Variants in MYOCOS observed in about 807,000 individuals in gnomAD.
MYOCOS encodes myocilin opposite strand.
chr1:171,613,363 G>C (rs573644352), intron 1 of MYOCOS, among the ~76,000 whole-genome samples: 2 of 152,182 alleles, frequency 1.3e-5, no homozygotes, highest in Non-Finnish European at 2.9e-5. Context: ...GCATCTTCAA[G>C]CCAAGTTGAG....
At chr1:171,620,483 T>G (rs1264452092), upstream of MYOCOS, among the ~76,000 whole-genome samples, 1 of 152,152 alleles carries the variant, frequency 6.6e-6, no homozygotes, top group Admixed American at 6.6e-5. Flanking sequence ...ATATTTTTCT[T>G]CCAGACCCTC....
chr1:171,612,079 T>C (rs1652365574), intron 1 of MYOCOS, among the ~76,000 whole-genome samples: 1 of 151,988 alleles, frequency 6.6e-6, no homozygotes, highest in Admixed American at 6.6e-5. Context: ...TTCTTTTCTT[T>C]TCTTTTCTTT....
At chr1:171,601,907 A>T (rs1652149836) in intron 1 of MYOCOS, among the ~76,000 whole-genome samples, 1 of 152,220 alleles carries the variant, frequency 6.6e-6, no homozygotes, top group Admixed American at 6.5e-5. Flanking sequence ...AGCAAAAGAT[A>T]ATTGAAATCC....
chr1:171,625,795 G>C (rs1017088660), intron 2 of MYOCOS, among the ~76,000 whole-genome samples: 2 of 152,170 alleles, frequency 1.3e-5, no homozygotes, highest in East Asian at 1.9e-4. Flanking sequence ...AATGTACAGA[G>C]AGCTGGCCAG....
chr1:171,608,043 G>C (rs1006498323), intron 1 of MYOCOS, among the ~76,000 whole-genome samples: 4 of 152,184 alleles, frequency 2.6e-5, no homozygotes, highest in African/African-American at 9.7e-5. Flanking sequence ...GATCTCATGA[G>C]ACTTATTCGC....
rs941388002 is a variant in MYOCOS, at chr1:171,602,029, A to G, written c.-252+949A>G. On this transcript the variant is annotated intron_variant, in intron 1 of 3. Transcript: ENST00000636697. ...TAGACAGTCTAGTCCAAAGACATAA[A>G]GAAAGTTTGCTTTAAAAAAAAAAAA... Among the ~76,000 whole-genome samples the G allele has an allele frequency of 1.1e-4, 16 of 152,228 alleles. No homozygotes were observed. The South Asian group carries it at 3.3e-3, about 32-fold the overall frequency.
intron 2 of MYOCOS, among the ~76,000 whole-genome samples, chr1:171,616,744 G>A (rs1005081306): frequency 4.6e-5 from 7 of 152,186 alleles, no homozygotes; most frequent in African/African-American, 1.2e-4. Flanking sequence ...ATTGATGAAT[G>A]TCATATCCTA....
chr1:171,604,429 C>T (rs913397730), intron 1 of MYOCOS: 1 of 152,112 alleles, frequency 6.6e-6, no homozygotes, highest in Non-Finnish European at 1.5e-5. Context: ...TTATAAATGC[C>T]TAGGAACTCC....
rs55880778 is a variant in MYOCOS, at chr1:171,605,373, CCACA to C, written c.-252+4312_-252+4315del. On this transcript the variant is annotated intron_variant, in intron 1 of 3. Coordinates refer to the MYOCOS transcript ENST00000636697. Reference sequence around the variant, plus strand: ...TAAGACAAAAACCATATTAATAGTACCACACACACACACACACACACAAAAAAAA... The same window carrying C: ...TAAGACAAAAACCATATTAATAGTACCACACACACACACACACAAAAAAAA... Among the ~76,000 whole-genome samples, 385 of 139,276 alleles carry C rather than the reference CCACA, an allele frequency of 2.8e-3. 3 individuals are homozygous for C. The highest frequency in any genetic ancestry group is 9.4e-3 in the African/African-American group (358 of 38,242). 91.4% of individuals were successfully genotyped at this position (139,276 alleles called of 152,430 possible). A position where few individuals can be genotyped will look rare whatever the true frequency, so the allele number is the denominator to read the frequency against.
intron 1 of MYOCOS, among the ~76,000 whole-genome samples, chr1:171,601,452 G>T (rs1652140183): frequency 6.6e-6 from 1 of 151,564 alleles, no homozygotes; most frequent in South Asian, 2.1e-4. Flanking sequence ...CTTGTGGTGA[G>T]TGTGTGTAGT....
upstream of MYOCOS, among the ~76,000 whole-genome samples, chr1:171,621,430 C>A (rs149030336): frequency 8.3e-3 from 1,100 of 133,300 alleles, 12 homozygotes; most frequent in African/African-American, 0.031. Flanking sequence ...GGCTAGAGTG[C>A]AGTGGCGCGA....
chr1:171,621,647 T>C (rs1652578583), upstream of MYOCOS, among the ~76,000 whole-genome samples: 1 of 152,070 alleles, frequency 6.6e-6, no homozygotes, highest in South Asian at 2.1e-4. Context: ...AGTGTTGGGA[T>C]TGCAGGCATG....
chr1:171,603,428 G>A (rs1652182113), intron 1 of MYOCOS, among the ~76,000 whole-genome samples: 1 of 152,206 alleles, frequency 6.6e-6, no homozygotes, highest in Non-Finnish European at 1.5e-5. Flanking sequence ...CGTAAAGTGA[G>A]AGAAGCCCTT....
At chr1:171,603,516 A>T (rs1047687362) in intron 1 of MYOCOS, among the ~76,000 whole-genome samples, 1 of 152,276 alleles carries the variant, frequency 6.6e-6, no homozygotes, top group Non-Finnish European at 1.5e-5. Context: ...AAAGCTTGAA[A>T]TCAAATAGTT....
chr1:171,620,773 C>CTTTTTTTTTTTTT (rs34455235), upstream of MYOCOS, among the ~76,000 whole-genome samples: 4 of 127,208 alleles, frequency 3.1e-5, no homozygotes, highest in South Asian at 2.4e-4. Context: ...CTTTTTCTTT[C>CTTTTTTTTTTTTT]TTTTTTTTTT....
chr1:171,603,622 T>C (rs1652186873), intron 1 of MYOCOS, among the ~76,000 whole-genome samples: 1 of 152,228 alleles, frequency 6.6e-6, no homozygotes, highest in Non-Finnish European at 1.5e-5. Context: ...GAGCTTTTCA[T>C]GAGTTAAAAA....
upstream of MYOCOS, among the ~76,000 whole-genome samples, chr1:171,620,458 A>C (rs1445275333): frequency 6.6e-6 from 1 of 152,140 alleles, no homozygotes; most frequent in Admixed American, 6.6e-5. Context: ...AAAGAATCTC[A>C]ATTAACATAG....
At position 171,608,408 on chromosome 1, in the gene MYOCOS, C is replaced by CTTT. The variant is rs34773729; in HGVS notation, c.-251-6365_-251-6363dup. On this transcript the variant is annotated intron_variant, in intron 1 of 3. Transcript: ENST00000636697. ...CTGGCCTTGAGTCCAGGGAACCAGA[C>CTTT]TTTTTTTTTTTTTTTTTTTTTTTTT... is the stretch of plus-strand genomic sequence containing the variant. Among the ~76,000 whole-genome samples, 505 of 51,364 alleles carry CTTT rather than the reference C, an allele frequency of 9.8e-3. 145 individuals carry two copies. Among genetic ancestry groups the CTTT allele is most frequent in the Non-Finnish European group, 0.012 (356 of 30,220 alleles). 33.7% of individuals were successfully genotyped at this position (51,364 alleles called of 152,430 possible).
At chr1:171,620,872 C>T (rs1021306921), upstream of MYOCOS, among the ~76,000 whole-genome samples, 2 of 147,852 alleles carry the variant, frequency 1.4e-5, no homozygotes, top group Non-Finnish European at 3.0e-5. Context: ...CGGGTTCAAG[C>T]GATTCTCCTG....
Sources: gnomAD v4.1 joint callset for allele counts (sites outside exome capture counted in the v4.1 genomes callset) on GRCh38, gnomAD v4.1.1 for gene constraint, MANE v1.5 for transcripts, NCBI Gene and HGNC (gene_info 2026-07-23, HGNC 2026-07-21) for gene names.